The following RPH3AL variants were observed in gnomAD, a reference collection of about 807,000 sequenced individuals.
RPH3AL encodes the protein rabphilin 3A like (without C2 domains), also known as rab effector Noc2.
RPH3AL carries 38 observed loss-of-function variants against 43.1 expected under a neutral mutation model. The ratio of observed to expected loss-of-function variants is 0.88; its 90% CI spans 0.68 to 1.15. The LOEUF is 1.15. Ranked by LOEUF, RPH3AL falls within the 50% of genes most tolerant of loss-of-function variation. The pLI, the probability that RPH3AL is intolerant of heterozygous loss-of-function variation, is 0.00. For missense variants in RPH3AL, 462 were observed against 423.2 expected (o/e 1.09, Z -0.81); for synonymous variants, 189 against 176.3 (o/e 1.07, Z -0.57).
intron 6 of RPH3AL, among the ~76,000 whole-genome samples, chr17:280,353 A>G (rs2042749087): frequency 6.6e-6 from 1 of 152,174 alleles, no homozygotes; most frequent in African/African-American, 2.4e-5. Context: ...GGACTATAAC[A>G]TACATAAGGA....
rs531995572 is a variant in RPH3AL, at chr17:332,946, G to C, written c.-37+813C>G. Reference sequence around the variant, plus strand: ...GGAGGACCCGAGGGGTACAGGGAACGGAACAGGAGTTGCCGGTGATAATTT... The same window carrying C: ...GGAGGACCCGAGGGGTACAGGGAACCGAACAGGAGTTGCCGGTGATAATTT... On this transcript the variant is annotated intron_variant, in intron 2 of 9. Transcript: ENST00000331302. 3.5e-6 allele frequency: 4 copies of C among 1,152,108 alleles called. No homozygotes were observed. The African/African-American group carries it at 4.7e-5, about 14-fold the overall frequency. The allele number at this position is 1,152,108 out of a possible 1,614,324, so 71.4% of individuals were successfully genotyped here.
Position 289,454 on chromosome 17 carries a change from G to A in RPH3AL, c.352-7600C>T, listed in dbSNP as rs567003365. 1.8e-4 allele frequency among the ~76,000 whole-genome samples: 28 copies of A among 151,906 alleles called. No individual in the cohort carries two copies. The highest frequency in any genetic ancestry group is 5.6e-4 in the African/African-American group (23 of 41,408). On this transcript the variant is annotated intron_variant, in intron 5 of 9. Transcript: ENST00000331302. The surrounding 1 kb of genome is among the most constrained non-coding windows in gnomAD (Gnocchi z 5.2). ...CCCGTCCCTGATCTCTGCTGCCACC[G>A]CCCACGCCCACACCAAGGCCGCCCA...
chr17:217,064 C>T (rs1046135455), intron 8 of RPH3AL, among the ~76,000 whole-genome samples: 6 of 147,338 alleles, frequency 4.1e-5, no homozygotes, highest in Admixed American at 2.7e-4. Context: ...TCATTCCCAT[C>T]TGGGGCAGTT....
intron 5 of RPH3AL, among the ~76,000 whole-genome samples, chr17:315,431 A>C (rs1598095086): frequency 6.7e-6 from 1 of 148,380 alleles, no homozygotes; most frequent in East Asian, 2.0e-4. Context: ...ATTGACCTGT[A>C]GTCCCTGTGC....
chr17:230,842 TTTGTTG>T (rs1248298319), intron 7 of RPH3AL, among the ~76,000 whole-genome samples: 1 of 151,820 alleles, frequency 6.6e-6, no homozygotes, highest in South Asian at 2.1e-4. Context: ...TCCCTTGTTT[TTTGTTG>T]TTGTTGTTGT....
At chr17:214,773 A>G (rs2151492026) in intron 9 of RPH3AL, 1 of 152,512 alleles carries the variant, frequency 6.6e-6, no homozygotes, top group East Asian at 1.9e-4. Context: ...CTGTCTCAAA[A>G]AAAAAAAAAA....
intron 2 of RPH3AL, among the ~76,000 whole-genome samples, chr17:330,076 C>T (rs2151712603): frequency 2.0e-5 from 3 of 152,372 alleles, no homozygotes; most frequent in Middle Eastern, 6.8e-3. Flanking sequence ...CCCAGAGAGG[C>T]CTGGGCCCAG....
chr17:265,299 T>G (rs144969539), intron 6 of RPH3AL, among the ~76,000 whole-genome samples: 14 of 152,312 alleles, frequency 9.2e-5, no homozygotes, highest in Non-Finnish European at 1.9e-4. Flanking sequence ...TTTCGCCATT[T>G]TGCCCAGGTT....
In RPH3AL at chr17:319,427, C is replaced by T. The variant is rs1158930116; in HGVS notation, c.344G>A (p.Cys115Tyr). The change falls in exon 5 of 10, where the codon TGC (cysteine) becomes TAC (tyrosine). Residue 115 changes from cysteine (C) to tyrosine (Y), a missense_variant. Coordinates refer to ENST00000331302, the MANE Select transcript of RPH3AL (RefSeq NM_006987.4). ...LGSSSVFCKD[C>Y]RKKVCTKCGI... ...GCCAGAGCAGGGTCTTACCTTCCTG[C>T]AGTCTTTGCAGAACACCGACGAGCT... is the stretch of plus-strand genomic sequence containing the variant. 13 of 1,612,088 alleles carry T rather than the reference C, an allele frequency of 8.1e-6. No homozygotes were observed. Among genetic ancestry groups the T allele is most frequent in the Non-Finnish European group, 1.1e-5 (13 of 1,179,728 alleles).
At chr17:239,124 G>T (rs529844434) in intron 7 of RPH3AL, among the ~76,000 whole-genome samples, 42 of 152,298 alleles carry the variant, frequency 2.8e-4, no homozygotes, top group African/African-American at 9.9e-4. Context: ...CAAGGGGTCT[G>T]CAGGCAACTC....
chr17:241,711 C>CTTTTTTTTTTTTTTTTTT (rs1001979455), intron 7 of RPH3AL, among the ~76,000 whole-genome samples: 4 of 92,758 alleles, frequency 4.3e-5, no homozygotes, highest in African/African-American at 4.0e-5. Flanking sequence ...GTTTCTTTTT[C>CTTTTTTTTTTTTTTTTTT]TTTTTTTTTC....
At chr17:299,908 G>C (rs577866906) in intron 5 of RPH3AL, among the ~76,000 whole-genome samples, 2 of 152,374 alleles carry the variant, frequency 1.3e-5, no homozygotes, top group African/African-American at 2.4e-5. Flanking sequence ...TGTCCCGGGG[G>C]AGAAGGAGTC....
At chr17:256,290 T>G (rs367767774) in intron 6 of RPH3AL, among the ~76,000 whole-genome samples, 409 of 59,518 alleles carry the variant, frequency 6.9e-3, no homozygotes, top group Middle Eastern at 0.013. Flanking sequence ...CCTAGGAACG[T>G]GACTACCCTA....
At chr17:279,801 G>A (rs746316541) in intron 6 of RPH3AL, among the ~76,000 whole-genome samples, 4 of 152,174 alleles carry the variant, frequency 2.6e-5, no homozygotes, top group Non-Finnish European at 4.4e-5. Flanking sequence ...AAGATTAGAA[G>A]GACCTCAGGT....
At chr17:294,514 A>G (rs2043123238) in intron 5 of RPH3AL, among the ~76,000 whole-genome samples, 1 of 151,892 alleles carries the variant, frequency 6.6e-6, no homozygotes. Context: ...ACTGAAGAAC[A>G]CCTGTGCAGA....
rs923771783 is a variant in RPH3AL at position 333,997 on chromosome 17, A to G, written c.-212-63T>C. On this transcript the variant is annotated intron_variant, in intron 1 of 9. Coordinates refer to ENST00000331302, the MANE Select transcript of RPH3AL (RefSeq NM_006987.4). This position sits in a 1 kb window ranked among gnomAD's most constrained non-coding sequence, Gnocchi z 4.5. Reference sequence around the variant, plus strand: ...GGGCCTCTTCTTTGCAAACAGTTGCATCTACTTAAAAGAAGGCTTCTATCT... The same window carrying G: ...GGGCCTCTTCTTTGCAAACAGTTGCGTCTACTTAAAAGAAGGCTTCTATCT... 1 of 152,476 alleles carries G rather than the reference A, an allele frequency of 6.6e-6. No individual in the cohort carries two copies. Among genetic ancestry groups the G allele is most frequent in the Admixed American group, 6.5e-5 (1 of 15,306 alleles). The allele number at this position is 152,476 out of a possible 1,614,324, so 9.4% of individuals were successfully genotyped here. A position where few individuals can be genotyped will look rare whatever the true frequency, so the allele number is the denominator to read the frequency against.
chr17:273,097 G>A (rs1474859608), intron 6 of RPH3AL, among the ~76,000 whole-genome samples: 4 of 122,516 alleles, frequency 3.3e-5, no homozygotes, highest in Non-Finnish European at 3.4e-5. Context: ...CAGCGAGGGT[G>A]ACGTCAGGGA....
At chr17:273,068 C>CGACGTCAGGGAGAGACCCCAGCGAGGGT (rs2042543676) in intron 6 of RPH3AL, among the ~76,000 whole-genome samples, 4 of 53,596 alleles carry the variant, frequency 7.5e-5, no homozygotes, top group African/African-American at 2.3e-4. Context: ...CCAGCGAGGG[C>CGACGTCAGGGAGAGACCCCAGCGAGGGT]GACGTCAGGG....
At chr17:317,979 G>A (rs1257906139) in intron 5 of RPH3AL, among the ~76,000 whole-genome samples, 5 of 132,602 alleles carry the variant, frequency 3.8e-5, no homozygotes, top group Non-Finnish European at 6.1e-5. Flanking sequence ...ATTATTTCCT[G>A]ACATCATCTT....
Sources: gnomAD v4.1 joint callset for allele counts (sites outside exome capture counted in the v4.1 genomes callset) on GRCh38, gnomAD v4.1.1 for gene constraint, Gnocchi (gnomAD v3.1) non-coding constraint, MANE v1.5 for transcripts, NCBI Gene and HGNC (gene_info 2026-07-23, HGNC 2026-07-21) for gene names.